The following EXOSC7 variants were observed in gnomAD, a reference collection of about 807,000 sequenced individuals.
EXOSC7 encodes exosome complex component RRP42.
In EXOSC7, 25 loss-of-function variants were observed where a neutral mutation model predicts 34.3. The observed-to-expected ratio is 0.73, with a 90% CI of 0.53 to 1.02. The LOEUF (loss-of-function observed/expected upper bound fraction) is 1.02. EXOSC7 is among the 50% of genes least tolerant of loss of function. EXOSC7 has a pLI of 0.00. For missense variants in EXOSC7, 370 were observed against 368.5 expected, an observed-to-expected ratio of 1.00 and a Z score of -0.03; for synonymous variants, 130 against 143.0, an observed-to-expected ratio of 0.91 and a Z score of 0.65.
rs1432727104 is a variant in EXOSC7 at position 45,001,591 on chromosome 3, T to C, written c.474T>C (p.Ala158=). Reference sequence around the variant, plus strand: ...ATGCCATTTCCATTGCTGTAAAGGCTGCTCTCTTCAATACAAGGTAAGTCT... The same window carrying C: ...ATGCCATTTCCATTGCTGTAAAGGCCGCTCTCTTCAATACAAGGTAAGTCT... ...LFDAISIAVK[A]ALFNTRIPRV... is the part of the protein sequence containing the mutation. Residue 158 remains alanine, a synonymous_variant, in exon 5 of 8, where the codon GCT becomes GCC. Coordinates refer to ENST00000265564, the MANE Select transcript of EXOSC7 (RefSeq NM_015004.4). 1 of 1,612,982 alleles carries C rather than the reference T, an allele frequency of 6.2e-7. No homozygotes were observed. The highest frequency in any genetic ancestry group is 8.5e-7 in the Non-Finnish European group (1 of 1,178,916).
intron 1 of EXOSC7, 104 bp downstream of exon 1, chr3:44,976,438 A>G (rs1706028895): frequency 3.0e-6 from 3 of 1,007,308 alleles, no homozygotes; most frequent in East Asian, 3.2e-5. Context: ...AGCTGCGGCG[A>G]CTCTCCGTTT....
intron 1 of EXOSC7, among the ~76,000 whole-genome samples, chr3:44,983,559 A>T (rs995836009): frequency 6.6e-6 from 1 of 152,162 alleles, no homozygotes; most frequent in Non-Finnish European, 1.5e-5. Flanking sequence ...GGTTGTTGTG[A>T]TCACATGGGT....
chr3:44,991,017 G>A (rs1279725056), intron 3 of EXOSC7, among the ~76,000 whole-genome samples: 3 of 122,664 alleles, frequency 2.4e-5, no homozygotes, highest in Non-Finnish European at 3.6e-5. Context: ...CATAGTACTC[G>A]TATAAGAGAA....
intron 5 of EXOSC7, 149 bp from the exon 6 acceptor site, chr3:45,005,142 C>T: frequency 2.3e-6 from 2 of 855,670 alleles, no homozygotes; most frequent in Non-Finnish European, 3.6e-6. Context: ...GTGCTTTTGA[C>T]AGGGATGACA....
chr3:44,997,409 T>A (rs184155078), intron 4 of EXOSC7, among the ~76,000 whole-genome samples, 157 bp downstream of exon 4: 9 of 152,286 alleles, frequency 5.9e-5, no homozygotes, highest in East Asian at 3.9e-4. Context: ...ATAATTTTTT[T>A]AAAAATTAAA....
At chr3:45,004,024 G>A (rs1012929212) in intron 5 of EXOSC7, 1 of 152,122 alleles carries the variant, frequency 6.6e-6, no homozygotes, top group Non-Finnish European at 1.5e-5. Context: ...ATGGCCATCT[G>A]GTTCATTTCC....
chr3:44,993,162 A>G (rs1706617373), intron 3 of EXOSC7, among the ~76,000 whole-genome samples: 1 of 152,194 alleles, frequency 6.6e-6, no homozygotes, highest in South Asian at 2.1e-4. Context: ...AAGTCTCCCA[A>G]GCTGATGAGA....
At position 45,009,954 on chromosome 3, in the gene EXOSC7, G is replaced by A. The variant is rs532204809; in HGVS notation, c.772-1281G>A. Among the ~76,000 whole-genome samples, 6 of 152,292 alleles carry A rather than the reference G, an allele frequency of 3.9e-5. No individual in the cohort carries two copies. In the South Asian group the frequency reaches 1.2e-3, roughly 32 times the overall value. On this transcript the variant is annotated intron_variant, in intron 7 of 7. Coordinates refer to ENST00000265564, the MANE Select transcript of EXOSC7 (RefSeq NM_015004.4). The stretch of plus-strand genomic sequence containing the variant: ...TTTCATAAGAGTTTTAGTCATACTT[G>A]GGATCTCATCCCATGTTACAGTTAG...
At chr3:45,010,781 T>C (rs905739900) in intron 7 of EXOSC7, among the ~76,000 whole-genome samples, 1 of 152,190 alleles carries the variant, frequency 6.6e-6, no homozygotes, top group Admixed American at 6.5e-5. Flanking sequence ...GGGAGGTGAA[T>C]GAGAAGCTGC....
chr3:44,989,693 T>G (rs1335293551), intron 3 of EXOSC7, 49 bp downstream of exon 3: 1 of 1,431,230 alleles, frequency 7.0e-7, no homozygotes, highest in Non-Finnish European at 9.7e-7. Flanking sequence ...ATTTTAAAGA[T>G]GAAGATTCAG....
chr3:44,981,051 G>A (rs1000832990), intron 1 of EXOSC7, among the ~76,000 whole-genome samples: 2 of 152,154 alleles, frequency 1.3e-5, no homozygotes, highest in Non-Finnish European at 2.9e-5. Context: ...AAGCCTTGAA[G>A]TGCATTTTAC....
At chr3:44,992,905 GT>G (rs1706611425) in intron 3 of EXOSC7, among the ~76,000 whole-genome samples, 1 of 152,174 alleles carries the variant, frequency 6.6e-6, no homozygotes, top group Non-Finnish European at 1.5e-5. Flanking sequence ...ATTCATAAAT[GT>G]TTCAGAATAC....
In EXOSC7 at chr3:44,976,324, A is replaced by T; in HGVS notation, c.47A>T (p.His16Leu). 6.4e-7 allele frequency: 1 copy of T among 1,571,226 alleles called. No homozygotes were observed. The highest frequency in any genetic ancestry group is 8.6e-7 in the Non-Finnish European group (1 of 1,164,518). Residue 16 changes from histidine (H) to leucine (L), a missense_variant, in exon 1 of 8, where the codon CAT becomes CTT. Physicochemically the swap from His to Leu is moderately conservative, Grantham distance 99. Transcript: ENST00000265564. ...GAGGCGGAGAAGGTGTACATCGTGC[A>T]TGGCGTCCAGGTAGCTACAGCAGCG... The part of the protein sequence containing the change: ...LSEAEKVYIV[H>L]GVQEDLRVDG...
At chr3:44,987,461 A>G (rs1559743389) in intron 1 of EXOSC7, among the ~76,000 whole-genome samples, 1 of 152,248 alleles carries the variant, frequency 6.6e-6, no homozygotes, top group Non-Finnish European at 1.5e-5. Context: ...AATTCCAGCT[A>G]CTTCAGAGGC....
chr3:45,001,684 T>C (rs1370445216), intron 5 of EXOSC7, 76 bp downstream of exon 5: 2 of 1,045,786 alleles, frequency 1.9e-6, no homozygotes, highest in Non-Finnish European at 1.5e-6. Context: ...ACTGAGGAAA[T>C]TTCTATTGTA....
chr3:44,980,246 A>T (rs886413066), intron 1 of EXOSC7, among the ~76,000 whole-genome samples: 1 of 152,190 alleles, frequency 6.6e-6, no homozygotes, highest in Non-Finnish European at 1.5e-5. Context: ...ATTTGAGTCA[A>T]CCTGGTGAAC....
At chr3:45,012,017 A>G (rs1056739849), downstream of EXOSC7, among the ~76,000 whole-genome samples, 3 of 152,250 alleles carry the variant, frequency 2.0e-5, no homozygotes, top group Non-Finnish European at 4.4e-5. Context: ...GGCAGCTTTC[A>G]AGATGTTGTC....
Position 45,011,199 on chromosome 3 carries a change from A to T in EXOSC7, c.772-36A>T, listed in dbSNP as rs368879182. The T allele has an allele frequency of 1.5e-5, 20 of 1,310,168 alleles. No homozygotes were observed. In the African/African-American group the frequency reaches 2.8e-4, roughly 18 times the overall value. 81.2% of individuals were successfully genotyped at this position (1,310,168 alleles called of 1,614,324 possible). ...CTGGTCAGAGTGTGTGTGCCTTACA[A>T]GGGGGTGTGTGCTCTCTCCCGTCCC... is the stretch of plus-strand genomic sequence containing the variant. On this transcript the variant is annotated intron_variant, in intron 7 of 7. Coordinates refer to ENST00000265564, the MANE Select transcript of EXOSC7 (RefSeq NM_015004.4).
chr3:45,003,587 A>G (rs759103788), intron 5 of EXOSC7, among the ~76,000 whole-genome samples: 2 of 152,178 alleles, frequency 1.3e-5, no homozygotes, highest in African/African-American at 2.4e-5. Flanking sequence ...TGGGAAAAGT[A>G]CTAATGCTGT....
Sources: allele counts gnomAD v4.1 joint callset (sites outside exome capture counted in the v4.1 genomes callset), GRCh38; gene constraint gnomAD v4.1.1; transcripts MANE v1.5; gene names NCBI Gene and HGNC (gene_info 2026-07-23, HGNC 2026-07-21).